FHOD3: variants seen among roughly 807,000 people sequenced by gnomAD.
FHOD3 encodes the protein FH1/FH2 domain-containing protein 3.
In FHOD3, 90 loss-of-function variants were observed where a neutral mutation model predicts 173.0. The ratio of observed to expected loss-of-function variants is 0.52; its 90% CI spans 0.44 to 0.62. FHOD3 has a LOEUF of 0.62. Ranked by LOEUF, FHOD3 falls within the 20% of genes least tolerant of loss-of-function variation. FHOD3 has a pLI of 0.00. For synonymous variants in FHOD3, 828 were observed against 823.0 expected (o/e 1.01, Z -0.10); for missense variants, 1,945 against 2,034.7 (o/e 0.96, Z 0.85).
At chr18:36,439,565 G>A (rs370790887) in intron 3 of FHOD3, among the ~76,000 whole-genome samples, 103 of 112,136 alleles carry the variant, frequency 9.2e-4, no homozygotes, top group Admixed American at 2.0e-3. Flanking sequence ...GTGTGTGTGT[G>A]TGTATGTATG....
At chr18:36,736,486 A>C (rs372921939) in intron 20 of FHOD3, among the ~76,000 whole-genome samples, 9 of 152,328 alleles carry the variant, frequency 5.9e-5, no homozygotes, top group African/African-American at 1.7e-4. Context: ...TTTCATTGCC[A>C]GTGAAAGTGG....
At chr18:36,519,153 C>T (rs2056142786) in intron 5 of FHOD3, among the ~76,000 whole-genome samples, 1 of 152,222 alleles carries the variant, frequency 6.6e-6, no homozygotes, top group Non-Finnish European at 1.5e-5. Flanking sequence ...GTAGCTGAGA[C>T]CTGCACTTGT....
intron 14 of FHOD3, among the ~76,000 whole-genome samples, chr18:36,672,354 G>A (rs2037584910): frequency 6.6e-6 from 1 of 152,128 alleles, no homozygotes; most frequent in Admixed American, 6.5e-5. Context: ...ATTTTGGCCA[G>A]GCTCACCTTG....
At chr18:36,443,649 G>T (rs756010004) in intron 3 of FHOD3, among the ~76,000 whole-genome samples, 1 of 152,184 alleles carries the variant, frequency 6.6e-6, no homozygotes, top group African/African-American at 2.4e-5. Context: ...TAGAAACCAA[G>T]ATCTTGAAGG....
At position 36,450,527 on chromosome 18, in the gene FHOD3, C is replaced by T. The variant is rs1214370539; in HGVS notation, c.338-51405C>T. Among the ~76,000 whole-genome samples the T allele has an allele frequency of 5.9e-5, 9 of 151,630 alleles. No individual in the cohort carries two copies. In the East Asian group the frequency reaches 1.7e-3, roughly 29 times the overall value. The stretch of plus-strand genomic sequence containing the variant: ...CTCCCTGAGGCCAGGCACGGTGGCT[C>T]AAGCCTGTAATCCTAGCACTTTGGG... On this transcript the variant is annotated intron_variant, in intron 3 of 28. Transcript: ENST00000590592.
chr18:36,772,726 C>G (rs978168010), intron 28 of FHOD3, among the ~76,000 whole-genome samples: 2 of 152,218 alleles, frequency 1.3e-5, no homozygotes, highest in Non-Finnish European at 2.9e-5. Context: ...TGGCTCAGGT[C>G]GGCTGCTCTC....
At chr18:36,464,843 C>T (rs1442779430) in intron 3 of FHOD3, among the ~76,000 whole-genome samples, 2 of 151,996 alleles carry the variant, frequency 1.3e-5, no homozygotes, top group African/African-American at 4.8e-5. Flanking sequence ...TCTGTCTCTC[C>T]CCCCTCTTTC....
chr18:36,769,954 AT>A, intron 28 of FHOD3, among the ~76,000 whole-genome samples: 1 of 152,168 alleles, frequency 6.6e-6, no homozygotes, highest in East Asian at 1.9e-4. Flanking sequence ...TAGGTTGACC[AT>A]TTTTTCCTTT....
chr18:36,422,177 T>C (rs965604598), intron 3 of FHOD3, among the ~76,000 whole-genome samples: 3 of 152,218 alleles, frequency 2.0e-5, no homozygotes, highest in Non-Finnish European at 4.4e-5. Flanking sequence ...ATCCTTGTTA[T>C]TAATTCCCAC....
intron 19 of FHOD3, 74 bp downstream of exon 19, chr18:36,718,789 C>A: frequency 6.6e-7 from 1 of 1,523,400 alleles, no homozygotes; most frequent in Non-Finnish European, 8.7e-7. Context: ...GTATAAAATA[C>A]TATTTTGCAT....
intron 1 of FHOD3, among the ~76,000 whole-genome samples, chr18:36,334,907 TG>T (rs571098813): frequency 5.9e-5 from 9 of 152,348 alleles, no homozygotes; most frequent in African/African-American, 2.2e-4. Flanking sequence ...TAAGGAGGCC[TG>T]GCAGCTGGTG....
intron 3 of FHOD3, among the ~76,000 whole-genome samples, chr18:36,457,957 T>C (rs2052318205): frequency 1.3e-5 from 2 of 152,184 alleles, no homozygotes; most frequent in Admixed American, 1.3e-4. Context: ...GAAAGCCCTC[T>C]GACCTATACT....
intron 5 of FHOD3, among the ~76,000 whole-genome samples, chr18:36,519,169 C>T (rs187581376): frequency 1.2e-3 from 190 of 152,306 alleles, no homozygotes; most frequent in Non-Finnish European, 2.4e-3. Flanking sequence ...CTTGTGTCCT[C>T]CTCTTTCCAG....
chr18:36,309,097 G>A (rs1274575006), intron 1 of FHOD3, among the ~76,000 whole-genome samples: 1 of 152,176 alleles, frequency 6.6e-6, no homozygotes, highest in Non-Finnish European at 1.5e-5. Context: ...GGCATGCCTG[G>A]GGGCTCTCGT....
At chr18:36,327,379 T>C (rs1209105005) in intron 1 of FHOD3, among the ~76,000 whole-genome samples, 10 of 152,250 alleles carry the variant, frequency 6.6e-5, no homozygotes, top group Non-Finnish European at 1.5e-4. Context: ...ATTAGCTTGG[T>C]GCAAATGTGC....
intron 17 of FHOD3, 34 bp from the exon 18 acceptor site, chr18:36,709,061 T>C: frequency 3.1e-6 from 5 of 1,593,674 alleles, no homozygotes; most frequent in Non-Finnish European, 4.3e-6. Context: ...AAGAAATCTG[T>C]CGTCAATATA....
At chr18:36,622,906 A>G (rs2033822558) in intron 9 of FHOD3, among the ~76,000 whole-genome samples, 1 of 152,166 alleles carries the variant, frequency 6.6e-6, no homozygotes, top group Non-Finnish European at 1.5e-5. Context: ...TTATTATAAA[A>G]ACAAAACCAT....
At chr18:36,464,899 G>A (rs2052814997) in intron 3 of FHOD3, among the ~76,000 whole-genome samples, 1 of 152,116 alleles carries the variant, frequency 6.6e-6, no homozygotes. Flanking sequence ...CACAGGGATA[G>A]CTGCCCTTCA....
At chr18:36,330,664 G>T (rs1009732156) in intron 1 of FHOD3, among the ~76,000 whole-genome samples, 2 of 152,164 alleles carry the variant, frequency 1.3e-5, no homozygotes, top group Non-Finnish European at 2.9e-5. Flanking sequence ...GCTGCCACCA[G>T]AGGTAGGCAG....
Sources: allele counts gnomAD v4.1 joint callset (sites outside exome capture counted in the v4.1 genomes callset), GRCh38; gene constraint gnomAD v4.1.1; transcripts MANE v1.5; gene names NCBI Gene and HGNC (gene_info 2026-07-23, HGNC 2026-07-21).